Variants in CRHR1 observed in about 807,000 individuals in gnomAD.
The protein encoded by CRHR1 is corticotropin releasing hormone receptor 1.
Under a neutral mutation model 56.0 loss-of-function variants are expected in CRHR1, and 28 were observed. That is an observed-to-expected ratio of 0.50 (90% CI 0.37 to 0.69). CRHR1 has a LOEUF of 0.69. Among genes scored for constraint, CRHR1 ranks in the 30% least tolerant of loss-of-function variants. The pLI is 0.00. For missense variants in CRHR1, 376 were observed against 548.0 expected (o/e 0.69, Z 3.13); for synonymous variants, 195 against 216.5 (o/e 0.90, Z 0.87).
chr17:45,806,910 C>A (rs776599580), intron 1 of CRHR1, 100 bp from the exon 2 acceptor site: 267 of 946,798 alleles, frequency 2.8e-4, no homozygotes, highest in Non-Finnish European at 4.1e-4. Flanking sequence ...GGGAGGCAGG[C>A]AGGTGCAGTG....
chr17:45,822,168 G>C (rs1431677498), intron 4 of CRHR1, among the ~76,000 whole-genome samples: 1 of 152,136 alleles, frequency 6.6e-6, no homozygotes, highest in Non-Finnish European at 1.5e-5. Flanking sequence ...ATCTATCTTA[G>C]AGATGGTTCC....
intron 2 of CRHR1, among the ~76,000 whole-genome samples, chr17:45,807,491 A>G (rs2061741677): frequency 6.6e-6 from 1 of 152,262 alleles, no homozygotes; most frequent in Admixed American, 6.5e-5. Flanking sequence ...AAAAATGCCC[A>G]GAGTGTAATA....
At chr17:45,801,102 GTGC>G (rs2146290557) in intron 1 of CRHR1, among the ~76,000 whole-genome samples, 1 of 152,232 alleles carries the variant, frequency 6.6e-6, no homozygotes, top group South Asian at 2.1e-4. Flanking sequence ...GCCCCATTCT[GTGC>G]TGGCCCTGGG....
chr17:45,786,860 C>G (rs929315338), intron 1 of CRHR1, among the ~76,000 whole-genome samples: 4 of 151,958 alleles, frequency 2.6e-5, no homozygotes, highest in Admixed American at 6.6e-5. Flanking sequence ...TGGCTGGTCT[C>G]AAACTCCTGG....
chr17:45,802,818 C>G (rs754644433), intron 1 of CRHR1, among the ~76,000 whole-genome samples: 1 of 152,208 alleles, frequency 6.6e-6, no homozygotes, highest in Non-Finnish European at 1.5e-5. Flanking sequence ...TCTGACGAAT[C>G]AAGATTTGCT....
intron 1 of CRHR1, chr17:45,800,468 G>A (rs1198588396): frequency 6.6e-6 from 1 of 152,166 alleles, no homozygotes; most frequent in East Asian, 1.9e-4. Context: ...AGCCAAGCTG[G>A]GCTGATGACC....
Position 45,833,454 on chromosome 17 carries a change from C to G in CRHR1, c.846C>G (p.Ile282Met). 1.2e-6 allele frequency: 2 copies of G among 1,614,024 alleles called. No homozygotes were observed. The highest frequency in any genetic ancestry group is 1.7e-6 in the Non-Finnish European group (2 of 1,179,996). The change falls in exon 10 of 13, where the codon ATC (isoleucine) becomes ATG (methionine). Residue 282 changes from isoleucine to methionine, a missense_variant and splice_region_variant. Physicochemically the swap from Ile to Met is conservative, Grantham distance 10. Around this residue, in one of 2 missense-constraint regions of CRHR1, gnomAD observed 369 missense variants for 519.5 expected, o/e 0.71. Transcript: ENST00000314537. ...YQGPMILVLL[I>M]NFIFLFNIVR... ...CCGCTGGTGTGCTCAAATTGCAGATCAATTTCATCTTCCTTTTCAACATCG... is the reference window on the plus strand; with the variant it reads ...CCGCTGGTGTGCTCAAATTGCAGATGAATTTCATCTTCCTTTTCAACATCG...
chr17:45,784,422 C>G lies in CRHR1; in HGVS notation c.-123C>G. 1 of 881,484 alleles carries G rather than the reference C, an allele frequency of 1.1e-6. No individual in the cohort carries two copies. Among genetic ancestry groups the G allele is most frequent in the Non-Finnish European group, 1.6e-6 (1 of 627,244 alleles). The allele number at this position is 881,484 out of a possible 1,614,324, so 54.6% of individuals were successfully genotyped here. The stretch of plus-strand genomic sequence containing the variant: ...AGCGCCGAGCCGGGCATCTCCTCAC[C>G]AGGCAGCGACCGAGGAGCCCGGCCG... On this transcript the variant is annotated 5_prime_UTR_variant, in exon 1 of 13. Transcript: ENST00000314537. This position sits in a 1 kb window ranked among gnomAD's most constrained non-coding sequence, Gnocchi z 4.2.
At chr17:45,828,412 C>T (rs1011569090) in intron 4 of CRHR1, among the ~76,000 whole-genome samples, 3 of 152,346 alleles carry the variant, frequency 2.0e-5, no homozygotes, top group African/African-American at 7.2e-5. Flanking sequence ...CACGGGGTTG[C>T]CCTGATGGTT....
At chr17:45,785,907 G>A (rs968496660) in intron 1 of CRHR1, among the ~76,000 whole-genome samples, 2 of 152,156 alleles carry the variant, frequency 1.3e-5, no homozygotes, top group African/African-American at 4.8e-5. Flanking sequence ...TTACCTGAGG[G>A]CTAGGGATGA....
chr17:45,816,701 G>A lies in CRHR1; in HGVS notation c.241+119G>A, dbSNP rs944112429. The A allele has an allele frequency of 1.1e-5, 16 of 1,482,700 alleles. No homozygotes were observed. In the African/African-American group the frequency reaches 1.2e-4, roughly 12 times the overall value. 91.8% of individuals were successfully genotyped at this position (1,482,700 alleles called of 1,614,324 possible). A position where few individuals can be genotyped will look rare whatever the true frequency, so the allele number is the denominator to read the frequency against. ...AACAGTAATACCTCTTGTGGGGATC[G>A]CCCCTGTTTTCCAAAGGTCAGCGCT... On this transcript the variant is annotated intron_variant, in intron 3 of 12. Transcript: ENST00000314537.
chr17:45,829,646 A>G, intron 5 of CRHR1: 1 of 1,550,842 alleles, frequency 6.4e-7, no homozygotes, highest in South Asian at 1.2e-5. Flanking sequence ...TCAGGTTCGA[A>G]GGTACCTGGG....
chr17:45,823,142 CAAA>C (rs1226446573), intron 4 of CRHR1, among the ~76,000 whole-genome samples: 5 of 76,292 alleles, frequency 6.6e-5, no homozygotes, highest in Admixed American at 3.0e-4. Context: ...GACTCTGTCT[CAAA>C]AAAAAAAAAA....
At chr17:45,802,308 G>C (rs967345087) in intron 1 of CRHR1, among the ~76,000 whole-genome samples, 1 of 152,184 alleles carries the variant, frequency 6.6e-6, no homozygotes, top group Non-Finnish European at 1.5e-5. Flanking sequence ...CTGGGCGACA[G>C]AGCAAGACTG....
At chr17:45,833,693 T>TGGGGGGGCCCCC in intron 10 of CRHR1, 21 bp from the exon 11 acceptor site, 14 of 1,571,560 alleles carry the variant, frequency 8.9e-6, no homozygotes, top group Non-Finnish European at 1.2e-5. Flanking sequence ...ACTCCGAGCC[T>TGGGGGGGCCCCC]CCCCACCCGC....
intron 4 of CRHR1, among the ~76,000 whole-genome samples, chr17:45,828,761 G>A (rs1460935505): frequency 1.3e-5 from 2 of 152,240 alleles, no homozygotes; most frequent in South Asian, 4.1e-4. Context: ...AGGGATTTAG[G>A]GGTGGCTGAG....
At chr17:45,792,850 A>C (rs1157036368) in intron 1 of CRHR1, among the ~76,000 whole-genome samples, 1 of 152,250 alleles carries the variant, frequency 6.6e-6, no homozygotes, top group Non-Finnish European at 1.5e-5. Flanking sequence ...CTGGTGACCC[A>C]CATCTAACCT....
chr17:45,833,546 G>GT lies in CRHR1; in HGVS notation c.929+10dup. 6.2e-7 allele frequency: 1 copy of GT among 1,613,550 alleles called. No individual in the cohort carries two copies. Among genetic ancestry groups the GT allele is most frequent in the Non-Finnish European group, 8.5e-7 (1 of 1,179,660 alleles). On this transcript the variant is annotated intron_variant, in intron 10 of 12. Coordinates refer to ENST00000314537, the MANE Select transcript of CRHR1 (RefSeq NM_004382.5). ...GAGACCATTCAGTACAGGTAACCGG[G>GT]TACCACCTTCCTCAGGCCTCCCCCT...
chr17:45,816,555 T>A lies in CRHR1; in HGVS notation c.214T>A (p.Phe72Ile), dbSNP rs371408858. The A allele has an allele frequency of 2.5e-5, 40 of 1,614,036 alleles. No homozygotes were observed. Among genetic ancestry groups the A allele is most frequent in the Non-Finnish European group, 3.2e-5 (38 of 1,180,024 alleles). The change falls in exon 3 of 13, where the codon TTC becomes ATC. Residue 72 changes from phenylalanine to isoleucine, a missense_variant. Physicochemically the swap from Phe to Ile is conservative, Grantham distance 21. Around this residue, in one of 2 missense-constraint regions of CRHR1, gnomAD observed 369 missense variants for 519.5 expected, o/e 0.71. Coordinates refer to ENST00000314537, the MANE Select transcript of CRHR1 (RefSeq NM_004382.5). ...QLVVRPCPAF[F>I]YGVRYNTTNN... is the part of the protein sequence containing the mutation. ...AGTGGTTCGGCCCTGCCCTGCCTTT[T>A]TCTATGGTGTCCGCTACAATACCAC... is the stretch of plus-strand genomic sequence containing the variant.
Sources: allele counts gnomAD v4.1 joint callset (sites outside exome capture counted in the v4.1 genomes callset), GRCh38; gene constraint gnomAD v4.1.1; regional missense constraint gnomAD v4.1.1; non-coding constraint Gnocchi (gnomAD v3.1); transcripts MANE v1.5; gene names NCBI Gene and HGNC (gene_info 2026-07-23, HGNC 2026-07-21).